The following TIAM1 variants were observed in gnomAD, a reference collection of about 807,000 sequenced individuals.
TIAM1 encodes TIAM Rac1 associated GEF 1.
Under a neutral mutation model 163.5 loss-of-function variants are expected in TIAM1, and 65 were observed. The ratio of observed to expected loss-of-function variants is 0.40; its 90% CI spans 0.33 to 0.49. TIAM1 has a LOEUF of 0.49. Among genes scored for constraint, TIAM1 ranks in the 20% least tolerant of loss-of-function variants. The pLI is 0.77. For synonymous variants in TIAM1, 833 were observed against 810.1 expected (o/e 1.03, Z -0.48); for missense variants, 1,789 against 2,044.7 (o/e 0.87, Z 2.41).
chr21:31,421,831 GA>G (rs1284889323), intron 2 of TIAM1, among the ~76,000 whole-genome samples: 2 of 150,946 alleles, frequency 1.3e-5, no homozygotes, highest in Admixed American at 6.6e-5. Flanking sequence ...CTCTACAAAA[GA>G]AAAAAAAATT....
intron 2 of TIAM1, among the ~76,000 whole-genome samples, chr21:31,421,814 A>C (rs1157872006): frequency 1.3e-5 from 2 of 151,924 alleles, no homozygotes; most frequent in Non-Finnish European, 2.9e-5. Context: ...ACACAGTGAG[A>C]CCCTATCTCT....
intron 23 of TIAM1, among the ~76,000 whole-genome samples, chr21:31,135,366 G>A (rs889645198): frequency 3.9e-5 from 6 of 152,104 alleles, no homozygotes; most frequent in African/African-American, 1.4e-4. Context: ...TAAAAAATAA[G>A]TCATTCGCAA....
chr21:31,393,452 C>G (rs2077001479), intron 2 of TIAM1, among the ~76,000 whole-genome samples: 2 of 152,218 alleles, frequency 1.3e-5, no homozygotes, highest in African/African-American at 4.8e-5. Context: ...GCAGCATCCT[C>G]TGCCTCTGCA....
chr21:31,182,553 A>T lies in TIAM1; in HGVS notation c.2755T>A (p.Ser919Thr). Residue 919 changes from serine (S) to threonine (T), a missense_variant, in exon 15 of 28, where the codon TCG becomes ACG. Coordinates refer to ENST00000541036, the MANE Select transcript of TIAM1 (RefSeq NM_001353694.2). ...SMLKDFLSQP[S>T]LGLLVRTYPE... ...TAGGTCCTCACCAGGAGGCCCAGCG[A>T]GGGCTGTGAGAGGAAATCTTTGAGC... 6.2e-7 allele frequency: 1 copy of T among 1,614,106 alleles called. No homozygotes were observed. Among genetic ancestry groups the T allele is most frequent in the Non-Finnish European group, 8.5e-7 (1 of 1,180,000 alleles).
intron 2 of TIAM1, among the ~76,000 whole-genome samples, chr21:31,374,975 T>G (rs769105765): frequency 6.6e-6 from 1 of 152,294 alleles, no homozygotes; most frequent in South Asian, 2.1e-4. Flanking sequence ...AGAGAGAAAT[T>G]TAGCAAGAAA....
chr21:31,353,280 A>G (rs1259982414), intron 2 of TIAM1, among the ~76,000 whole-genome samples: 1 of 152,224 alleles, frequency 6.6e-6, no homozygotes, highest in Admixed American at 6.5e-5. Context: ...TTAACTGACC[A>G]CATTCAGGTG....
intron 2 of TIAM1, among the ~76,000 whole-genome samples, chr21:31,442,070 A>AATAAATAAATAT (rs370046459): frequency 1.9e-5 from 1 of 53,244 alleles, no homozygotes; most frequent in Non-Finnish European, 3.9e-5. Flanking sequence ...CAAATAAATA[A>AATAAATAAATAT]ATATATATAT....
At chr21:31,341,209 C>A (rs2076007066) in intron 1 of TIAM1, among the ~76,000 whole-genome samples, 1 of 152,178 alleles carries the variant, frequency 6.6e-6, no homozygotes, top group Non-Finnish European at 1.5e-5. Flanking sequence ...ATAATGAAAT[C>A]TCATTATACG....
chr21:31,501,308 G>A (rs570565403), intron 1 of TIAM1, among the ~76,000 whole-genome samples: 3 of 152,084 alleles, frequency 2.0e-5, no homozygotes, highest in African/African-American at 4.8e-5. Flanking sequence ...GAAGAACCGG[G>A]GTGCTGGATT....
At chr21:31,452,164 A>C (rs2044885689) in intron 2 of TIAM1, among the ~76,000 whole-genome samples, 1 of 152,198 alleles carries the variant, frequency 6.6e-6, no homozygotes, top group African/African-American at 2.4e-5. Context: ...TCCTCTGATT[A>C]TATTTCATTA....
At chr21:31,133,335 G>A (rs1161959992) in intron 23 of TIAM1, among the ~76,000 whole-genome samples, 1 of 152,142 alleles carries the variant, frequency 6.6e-6, no homozygotes, top group African/African-American at 2.4e-5. Flanking sequence ...GTACCTCAGA[G>A]CCTTCAGTTT....
At chr21:31,340,481 T>C (rs892471237) in intron 1 of TIAM1, among the ~76,000 whole-genome samples, 7 of 152,178 alleles carry the variant, frequency 4.6e-5, no homozygotes, top group African/African-American at 1.7e-4. Flanking sequence ...GGCACGAAAC[T>C]GCTATGGCAG....
intron 3 of TIAM1, among the ~76,000 whole-genome samples, chr21:31,276,378 A>G (rs2073300033): frequency 6.6e-6 from 1 of 152,208 alleles, no homozygotes; most frequent in African/African-American, 2.4e-5. Context: ...CAAAGCAGAA[A>G]CAAAACATAT....
At chr21:31,330,132 A>G (rs529708862) in intron 2 of TIAM1, among the ~76,000 whole-genome samples, 2 of 152,312 alleles carry the variant, frequency 1.3e-5, no homozygotes, top group South Asian at 4.1e-4. Context: ...TGTATCTACC[A>G]TCACAGTCTC....
At chr21:31,275,259 AC>A (rs1243820206) in intron 3 of TIAM1, among the ~76,000 whole-genome samples, 1 of 152,160 alleles carries the variant, frequency 6.6e-6, no homozygotes, top group Non-Finnish European at 1.5e-5. Context: ...TCACAATTAT[AC>A]CTTTTTTTGG....
At chr21:31,244,752 T>C (rs1424417237) in intron 6 of TIAM1, among the ~76,000 whole-genome samples, 2 of 152,160 alleles carry the variant, frequency 1.3e-5, no homozygotes, top group African/African-American at 4.8e-5. Flanking sequence ...TGTCAAAATC[T>C]TCTTAGTATT....
At chr21:31,212,106 A>G (rs2086914099) in intron 10 of TIAM1, among the ~76,000 whole-genome samples, 1 of 152,226 alleles carries the variant, frequency 6.6e-6, no homozygotes, top group Non-Finnish European at 1.5e-5. Context: ...ATGCTCAGAC[A>G]GTGGCCATGG....
intron 2 of TIAM1, among the ~76,000 whole-genome samples, chr21:31,311,541 T>C (rs2074930445): frequency 1.3e-5 from 2 of 152,130 alleles, no homozygotes; most frequent in South Asian, 2.1e-4. Flanking sequence ...TTCTGCCACA[T>C]TGGAATGTAT....
At chr21:31,247,983 C>T (rs2071596102) in intron 5 of TIAM1, among the ~76,000 whole-genome samples, 1 of 152,130 alleles carries the variant, frequency 6.6e-6, no homozygotes, top group African/African-American at 2.4e-5. Context: ...GTCTGGTGAC[C>T]TTTCTGGTTG....
Sources: gnomAD v4.1 joint callset for allele counts (sites outside exome capture counted in the v4.1 genomes callset) on GRCh38, gnomAD v4.1.1 for gene constraint, MANE v1.5 for transcripts, NCBI Gene and HGNC (gene_info 2026-07-23, HGNC 2026-07-21) for gene names.